The following ZFAT variants were observed in gnomAD, a reference collection of about 807,000 sequenced individuals.
ZFAT encodes zinc finger protein ZFAT.
ZFAT carries 64 observed loss-of-function variants against 117.7 expected under a neutral mutation model. The ratio of observed to expected loss-of-function variants is 0.54; its 90% CI spans 0.44 to 0.67. The LOEUF (loss-of-function observed/expected upper bound fraction) is 0.67. Ranked by LOEUF, ZFAT falls within the 30% of genes least tolerant of loss-of-function variation. ZFAT has a pLI of 0.00. For synonymous variants in ZFAT, 679 were observed against 615.0 expected (o/e 1.10, Z -1.54); for missense variants, 1,433 against 1,584.5 (o/e 0.90, Z 1.62).
At chr8:134,740,010 C>G in the ZFAT span, among the ~76,000 whole-genome samples, 2 of 152,234 alleles carry the variant, frequency 1.3e-5, no homozygotes, top group African/African-American at 2.4e-5. Context: ...CACCCTATTT[C>G]TCAGAATCCC....
chr8:134,759,111 G>A, the ZFAT span, among the ~76,000 whole-genome samples: 1 of 152,214 alleles, frequency 6.6e-6, no homozygotes, highest in Non-Finnish European at 1.5e-5. Flanking sequence ...TTGAATGCTA[G>A]AATTCAGACA....
intron 2 of ZFAT, among the ~76,000 whole-genome samples, chr8:134,653,044 T>C (rs1342665428): frequency 6.6e-6 from 1 of 151,848 alleles, no homozygotes; most frequent in Non-Finnish European, 1.5e-5. Context: ...AAATTATGCA[T>C]TATCCATAGA....
the ZFAT span, among the ~76,000 whole-genome samples, chr8:134,725,553 G>T: frequency 6.6e-6 from 1 of 151,986 alleles, no homozygotes; most frequent in South Asian, 2.1e-4. Context: ...CAGCAGCAAA[G>T]GTATGGTGCC....
At chr8:134,507,288 C>T (rs1403804607) in intron 15 of ZFAT, among the ~76,000 whole-genome samples, 2 of 152,170 alleles carry the variant, frequency 1.3e-5, no homozygotes, top group East Asian at 3.8e-4. Context: ...AGAGGGCATC[C>T]TTTCACCTGG....
chr8:134,541,371 C>T (rs1296923037), intron 11 of ZFAT, among the ~76,000 whole-genome samples: 1 of 152,152 alleles, frequency 6.6e-6, no homozygotes, highest in Non-Finnish European at 1.5e-5. Context: ...GCTCAGCCCC[C>T]TCACCATGAG....
chr8:134,756,521 C>T, the ZFAT span, among the ~76,000 whole-genome samples: 166 of 152,324 alleles, frequency 1.1e-3, no homozygotes, highest in African/African-American at 3.4e-3. Flanking sequence ...TAGAGTGAAA[C>T]GCTCATGTGC....
the ZFAT span, among the ~76,000 whole-genome samples, chr8:134,752,850 C>T: frequency 2.2e-4 from 33 of 152,292 alleles, no homozygotes; most frequent in South Asian, 6.6e-3. Context: ...CTCAGGACTT[C>T]ATCTAAGCCC....
chr8:134,712,571 C>A lies in ZFAT; in HGVS notation c.19+274G>T, dbSNP rs1317704962. 3.9e-5 allele frequency among the ~76,000 whole-genome samples: 6 copies of A among 152,078 alleles called. No individual in the cohort carries two copies. In the East Asian group the frequency reaches 7.7e-4, roughly 20 times the overall value. Reference sequence around the variant, plus strand: ...TCGCTGGCCCGCGCCCCAACGCCACCCATTGCCGTGGAAACGGCCGGGCGC... The same window carrying A: ...TCGCTGGCCCGCGCCCCAACGCCACACATTGCCGTGGAAACGGCCGGGCGC... On this transcript the variant is annotated intron_variant, in intron 1 of 15. Transcript: ENST00000377838.
intron 10 of ZFAT, among the ~76,000 whole-genome samples, chr8:134,579,677 A>G (rs1825582499): frequency 6.6e-6 from 1 of 152,142 alleles, no homozygotes; most frequent in African/African-American, 2.4e-5. Flanking sequence ...AAAAGAACAC[A>G]TGGTGGCTCA....
At chr8:134,514,461 T>A (rs1450655467) in intron 13 of ZFAT, among the ~76,000 whole-genome samples, 1 of 152,196 alleles carries the variant, frequency 6.6e-6, no homozygotes, top group African/African-American at 2.4e-5. Flanking sequence ...AAAGTGATCA[T>A]CATCAACATC....
At chr8:134,592,214 C>G (rs1826561619) in intron 7 of ZFAT, among the ~76,000 whole-genome samples, 1 of 152,162 alleles carries the variant, frequency 6.6e-6, no homozygotes, top group Admixed American at 6.5e-5. Flanking sequence ...GATGAATGCT[C>G]TCCTCACTGT....
chr8:134,770,776 G>C, the ZFAT span, among the ~76,000 whole-genome samples: 96 of 152,338 alleles, frequency 6.3e-4, no homozygotes, highest in African/African-American at 2.1e-3. Flanking sequence ...CCCTGAGAAA[G>C]AGAATGTGCA....
At chr8:134,721,605 T>C in the ZFAT span, among the ~76,000 whole-genome samples, 1 of 152,218 alleles carries the variant, frequency 6.6e-6, no homozygotes, top group African/African-American at 2.4e-5. Context: ...CCTCTGCATG[T>C]GTCTAGAACA....
chr8:134,664,083 T>C (rs944293191), intron 1 of ZFAT, among the ~76,000 whole-genome samples: 1 of 151,668 alleles, frequency 6.6e-6, no homozygotes, highest in East Asian at 1.9e-4. Context: ...GCACAGGAGG[T>C]CATGGAAGGG....
At chr8:134,720,788 A>G in the ZFAT span, among the ~76,000 whole-genome samples, 1 of 152,260 alleles carries the variant, frequency 6.6e-6, no homozygotes. Flanking sequence ...GTTCAGAGGT[A>G]GCTGCTATGG....
At chr8:134,717,193 C>T (rs2131379664), upstream of ZFAT, among the ~76,000 whole-genome samples, 1 of 152,226 alleles carries the variant, frequency 6.6e-6, no homozygotes, top group East Asian at 1.9e-4. Flanking sequence ...GGCAGAACAT[C>T]ATGGACCCAA....
At chr8:134,628,004 C>T (rs762900581) in intron 3 of ZFAT, among the ~76,000 whole-genome samples, 5 of 152,042 alleles carry the variant, frequency 3.3e-5, no homozygotes, top group South Asian at 2.1e-4. Context: ...GAGGCACGTG[C>T]GCGGCACAAT....
chr8:134,818,164 T>G, the ZFAT span, among the ~76,000 whole-genome samples: 4 of 152,204 alleles, frequency 2.6e-5, no homozygotes, highest in African/African-American at 9.6e-5. Context: ...TTAAAACCTT[T>G]GCCCTTCAAA....
At chr8:134,550,605 G>A (rs568800414) in intron 11 of ZFAT, among the ~76,000 whole-genome samples, 18 of 152,162 alleles carry the variant, frequency 1.2e-4, no homozygotes, top group East Asian at 3.9e-4. Context: ...ATTTGTTATC[G>A]CTTGTGTCAA....
Sources: gnomAD v4.1 joint callset for allele counts (sites outside exome capture counted in the v4.1 genomes callset) on GRCh38, gnomAD v4.1.1 for gene constraint, MANE v1.5 for transcripts, NCBI Gene and HGNC (gene_info 2026-07-23, HGNC 2026-07-21) for gene names.